The following AMPD2 variants were observed in gnomAD, a reference collection of about 807,000 sequenced individuals.
The protein encoded by AMPD2 is AMP deaminase 2.
In AMPD2, 52 loss-of-function variants were observed where a neutral mutation model predicts 91.3. The ratio of observed to expected loss-of-function variants is 0.57; its 90% confidence interval spans 0.46 to 0.72. AMPD2 has a LOEUF of 0.72. AMPD2 is among the 30% of genes least tolerant of loss of function. AMPD2 has a pLI of 0.00. For missense variants in AMPD2, 822 were observed against 1,122.3 expected (o/e 0.73, Z 3.82); for synonymous variants, 455 against 456.4 (o/e 1.00, Z 0.04).
rs1651250830 is a variant in AMPD2, at chr1:109,631,272, C to T, written c.*120C>T. 2 of 1,031,470 alleles carry T rather than the reference C, an allele frequency of 1.9e-6. No individual in the cohort carries two copies. The highest frequency in any genetic ancestry group is 4.2e-5 in the Admixed American group (2 of 47,510). 63.9% of individuals were successfully genotyped at this position (1,031,470 alleles called of 1,614,324 possible). A position where few individuals can be genotyped will look rare whatever the true frequency, so the allele number is the denominator to read the frequency against. On this transcript the variant is annotated 3_prime_UTR_variant, in exon 19 of 19. Transcript: ENST00000528667. Reference sequence around the variant, plus strand: ...TCTTCTCTGTCTCTGTCTTGCATGTCTCCTACCATGTCACTGTCCCTGGGC... The same window carrying T: ...TCTTCTCTGTCTCTGTCTTGCATGTTTCCTACCATGTCACTGTCCCTGGGC...
Position 109,630,744 on chromosome 1 carries a change from T to C in AMPD2, c.2219T>C (p.Met740Thr), listed in dbSNP as rs776952444. ...GTGTGGAAGCTCAGCTCCTGCGATA[T>C]GTGTGAGCTGGCCCGCAACAGCGTG... ...TQVWKLSSCDMCELARNSVLM... is the reference protein window; with the variant it reads ...TQVWKLSSCDTCELARNSVLM... The change falls in exon 18 of 19, where the codon ATG becomes ACG. Residue 740 changes from methionine (M) to threonine (T), a missense_variant. By Grantham distance (81) the Met-to-Thr change is moderately conservative (BLOSUM62 -1). This residue lies in a region of AMPD2 where 430 missense variants were observed against 606.0 expected (regional missense o/e 0.71). Transcript: ENST00000528667. The C allele has an allele frequency of 6.2e-7, 1 of 1,612,022 alleles. No individual in the cohort carries two copies. The highest frequency in any genetic ancestry group is 8.5e-7 in the Non-Finnish European group (1 of 1,179,444).
At chr1:109,630,909 C>A (rs1485866360) in intron 18 of AMPD2, 34 bp from the exon 19 acceptor site, 1 of 1,611,542 alleles carries the variant, frequency 6.2e-7, no homozygotes, top group Non-Finnish European at 8.5e-7. Context: ...TCAGCACTGG[C>A]TGCAGCCCTG....
At position 109,630,161 on chromosome 1, in the gene AMPD2, C is replaced by T. The variant is rs561518541; in HGVS notation, c.1984-72C>T. 2.6e-6 allele frequency: 4 copies of T among 1,537,686 alleles called. No individual in the cohort carries two copies. In the African/African-American group the frequency reaches 4.1e-5, roughly 16 times the overall value. The stretch of plus-strand genomic sequence containing the variant: ...CCCCTGCCCTCTGCTGTGGCCTGGA[C>T]CCCCAGAACCACTGTGCCCTGCCCA... On this transcript the variant is annotated intron_variant, in intron 16 of 18. Transcript: ENST00000528667.
intron 2 of AMPD2, among the ~76,000 whole-genome samples, chr1:109,622,922 T>A (rs959196118): frequency 1.3e-5 from 2 of 152,030 alleles, no homozygotes; most frequent in African/African-American, 4.8e-5. Flanking sequence ...CAAGAAAAGA[T>A]CTTACACTCT....
intron 4 of AMPD2, 99 bp from the exon 5 acceptor site, chr1:109,626,061 A>T: frequency 7.5e-7 from 1 of 1,341,584 alleles, no homozygotes; most frequent in South Asian, 1.2e-5. Context: ...TGAGGATCAC[A>T]TGTGACAACA....
chr1:109,631,236 C>T lies in AMPD2; in HGVS notation c.*84C>T. 1 of 1,275,240 alleles carries T rather than the reference C, an allele frequency of 7.8e-7. No homozygotes were observed. The allele number at this position is 1,275,240 out of a possible 1,614,324, so 79.0% of individuals were successfully genotyped here. ...CCCCGCCCATGCTGTGTGGTCTCTG[C>T]ATGTCTCCATTCTTCTCTGTCTCTG... On this transcript the variant is annotated 3_prime_UTR_variant, in exon 19 of 19. Transcript: ENST00000528667.
At position 109,626,796 on chromosome 1, in the gene AMPD2, T is replaced by C. The variant is rs748621330; in HGVS notation, c.602T>C (p.Met201Thr). The change falls in exon 7 of 19, where the codon ATG becomes ACG. Residue 201 changes from methionine (M) to threonine (T), a missense_variant. Around this residue, in one of 5 missense-constraint regions of AMPD2, gnomAD observed 240 missense variants for 270.3 expected, o/e 0.89. Coordinates refer to ENST00000528667, the MANE Select transcript of AMPD2 (RefSeq NM_001368809.2). ...VRALFIREKY[M>T]ALSLQSFCPT... Reference sequence around the variant, plus strand: ...GCGCTCTTCATCCGGGAGAAGTACATGGCCCTGTCCCTGCAGAGCTTCTGC... The same window carrying C: ...GCGCTCTTCATCCGGGAGAAGTACACGGCCCTGTCCCTGCAGAGCTTCTGC... The C allele has an allele frequency of 2.5e-5, 41 of 1,613,712 alleles. No individual in the cohort carries two copies. Among genetic ancestry groups the C allele is most frequent in the Non-Finnish European group, 3.2e-5 (38 of 1,179,926 alleles).
At position 109,628,381 on chromosome 1, in the gene AMPD2, T is replaced by A. The variant is rs775265447; in HGVS notation, c.1293T>A (p.His431Gln). Residue 431 changes from histidine (H) to glutamine (Q), a missense_variant, in exon 12 of 19, where the codon CAT becomes CAA. His to Gln is a conservative substitution (Grantham distance 24). Coordinates refer to ENST00000528667, the MANE Select transcript of AMPD2 (RefSeq NM_001368809.2). The surrounding 1 kb of genome is among the most constrained non-coding windows in gnomAD (Gnocchi z 7.1). ...LDVHADRNTFHRFDKFNAKYN... is the reference protein window; with the variant it reads ...LDVHADRNTFQRFDKFNAKYN... ...TCCCCCAGGACAGGAACACTTTCCA[T>A]CGCTTTGACAAGTTTAATGCCAAAT... 1 of 1,614,086 alleles carries A rather than the reference T, an allele frequency of 6.2e-7. No homozygotes were observed. The highest frequency in any genetic ancestry group is 8.5e-7 in the Non-Finnish European group (1 of 1,180,024).
Position 109,629,434 on chromosome 1 carries a change from T to A in AMPD2, c.1806T>A (p.Tyr602Ter), listed in dbSNP as rs1651009466. The part of the protein sequence containing the change: ...EAWVEEDNPP[Y>*]AYYLYYTFAN... The stretch of plus-strand genomic sequence containing the variant: ...GGGTGGAGGAGGACAACCCACCCTA[T>A]GCCTACTACCTGTACTACACCTTTG... Residue 602 changes from tyrosine to a stop codon, truncating the protein, a stop_gained, in exon 15 of 19, where the codon TAT becomes TAA. Transcript: ENST00000528667. LOFTEE classifies it high-confidence loss of function. The A allele has an allele frequency of 6.2e-7, 1 of 1,614,076 alleles. No homozygotes were observed. Among genetic ancestry groups the A allele is most frequent in the Non-Finnish European group, 8.5e-7 (1 of 1,179,990 alleles).
chr1:109,630,208 C>A, intron 16 of AMPD2, 25 bp from the exon 17 acceptor site: 3 of 1,608,844 alleles, frequency 1.9e-6, no homozygotes, highest in Non-Finnish European at 2.5e-6. Flanking sequence ...ACCTGACAGG[C>A]CCTCCCTCCC....
chr1:109,620,407 G>A, intron 1 of AMPD2, 129 bp downstream of exon 1: 2 of 1,431,648 alleles, frequency 1.4e-6, no homozygotes, highest in Admixed American at 1.9e-5. Context: ...CCTCCCAGGA[G>A]GGCCTGGGGA....
intron 2 of AMPD2, chr1:109,622,451 G>A: frequency 8.2e-6 from 3 of 365,686 alleles, no homozygotes; most frequent in South Asian, 6.1e-5. Context: ...GTCGAGAGGG[G>A]AGATGGGGTG....
Position 109,628,178 on chromosome 1 carries a change from G to A in AMPD2, c.1176G>A (p.Val392=), listed in dbSNP as rs1185811266. The A allele has an allele frequency of 1.9e-6, 3 of 1,614,078 alleles. No homozygotes were observed. Among genetic ancestry groups the A allele is most frequent in the Non-Finnish European group, 2.5e-6 (3 of 1,180,030 alleles). Residue 392 remains valine, a synonymous_variant, in exon 11 of 19, where the codon GTG becomes GTA. Coordinates refer to ENST00000528667, the MANE Select transcript of AMPD2 (RefSeq NM_001368809.2). The surrounding 1 kb of genome is among the most constrained non-coding windows in gnomAD (Gnocchi z 7.1). ...RAMKRHLEEI[V]HVEQGREQTL... ...TGAAGCGGCACCTGGAGGAGATCGTGCACGTGGAGCAGGGCCGTGAACAGA... is the reference window on the plus strand; with the variant it reads ...TGAAGCGGCACCTGGAGGAGATCGTACACGTGGAGCAGGGCCGTGAACAGA...
At chr1:109,626,012 A>C in intron 4 of AMPD2, 148 bp from the exon 5 acceptor site, 1 of 1,119,930 alleles carries the variant, frequency 8.9e-7, no homozygotes, top group Non-Finnish European at 1.3e-6. Flanking sequence ...TCATCTCTAA[A>C]GTGAGTGAGA....
chr1:109,627,879 C>T lies in AMPD2; in HGVS notation c.1056C>T (p.His352=). The part of the protein sequence containing the change: ...KELAAQKKVP[H]RDFYNIRKVD... ...TGGCCGCCCAGAAGAAAGTGCCACACCGAGATTTCTACAACATCCGCAAGG... is the reference window on the plus strand; with the variant it reads ...TGGCCGCCCAGAAGAAAGTGCCACATCGAGATTTCTACAACATCCGCAAGG... The change falls in exon 10 of 19, where the codon CAC becomes CAT. Residue 352 remains histidine, a synonymous_variant. Coordinates refer to ENST00000528667, the MANE Select transcript of AMPD2 (RefSeq NM_001368809.2). The T allele has an allele frequency of 6.2e-7, 1 of 1,614,186 alleles. No individual in the cohort carries two copies.
At chr1:109,630,060 G>T in intron 16 of AMPD2, 144 bp downstream of exon 16, 1 of 1,419,328 alleles carries the variant, frequency 7.0e-7, no homozygotes, top group Non-Finnish European at 9.6e-7. Flanking sequence ...CCCCACCCCA[G>T]CCTTCAGCCT....
chr1:109,631,350 T>C lies in AMPD2; in HGVS notation c.*198T>C, dbSNP rs1405444281. ...CTGCTCATTGTTGTTTGGGCTCAGG[T>C]ATTGAGCCTGATGGCCCAGGTATTG... On this transcript the variant is annotated 3_prime_UTR_variant, in exon 19 of 19. Coordinates refer to ENST00000528667, the MANE Select transcript of AMPD2 (RefSeq NM_001368809.2). 4 of 641,494 alleles carry C rather than the reference T, an allele frequency of 6.2e-6. No individual in the cohort carries two copies. In the Admixed American group the frequency reaches 1.1e-4, roughly 18 times the overall value. 39.7% of individuals were successfully genotyped at this position (641,494 alleles called of 1,614,324 possible). A position where few individuals can be genotyped will look rare whatever the true frequency, so the allele number is the denominator to read the frequency against.
chr1:109,620,641 G>T, intron 1 of AMPD2: 1 of 1,207,344 alleles, frequency 8.3e-7, no homozygotes, highest in Admixed American at 4.1e-5. Context: ...AGGGTCAGAT[G>T]TGGAAGGAAA....
Position 109,620,925 on chromosome 1 carries a change from ATCAG to A in AMPD2, c.-247_-244del. The A allele has an allele frequency of 1.5e-5, 22 of 1,486,256 alleles. No individual in the cohort carries two copies. Among genetic ancestry groups the A allele is most frequent in the Non-Finnish European group, 2.0e-5 (22 of 1,116,922 alleles). The allele number at this position is 1,486,256 out of a possible 1,614,324, so 92.1% of individuals were successfully genotyped here. On this transcript the variant is annotated 5_prime_UTR_variant, in exon 2 of 19. An upstream open reading frame in the 5' UTR loses its in-frame stop. Transcript: ENST00000528667. The stretch of plus-strand genomic sequence containing the variant: ...CCGCCCCCCGCCAGGCCCAGCCACC[ATCAG>A]TCACGTCACTCCTGGGACTGAGGAG...
Sources: gnomAD v4.1 joint callset for allele counts (sites outside exome capture counted in the v4.1 genomes callset) on GRCh38, gnomAD v4.1.1 for gene constraint, gnomAD v4.1.1 regional missense constraint, Gnocchi (gnomAD v3.1) non-coding constraint, MANE v1.5 for transcripts, NCBI Gene and HGNC (gene_info 2026-07-23, HGNC 2026-07-21) for gene names.